Variants in CENPP observed in about 807,000 individuals in gnomAD.
The protein encoded by CENPP is centromere protein P.
In CENPP, 24 loss-of-function variants were observed where a neutral mutation model predicts 35.6. That is an observed-to-expected ratio of 0.67 (90% confidence interval 0.49 to 0.95). The LOEUF (loss-of-function observed/expected upper bound fraction) is 0.95. CENPP is among the 40% of genes least tolerant of loss of function. The pLI, the probability that CENPP is intolerant of heterozygous loss-of-function variation, is 0.00. For missense variants in CENPP, 332 were observed against 345.3 expected (o/e 0.96, Z 0.31); for synonymous variants, 120 against 125.5 (o/e 0.96, Z 0.29).
At chr9:92,536,870 T>A (rs1029452673) in intron 5 of CENPP, among the ~76,000 whole-genome samples, 24 of 70,936 alleles carry the variant, frequency 3.4e-4, no homozygotes, top group South Asian at 2.0e-3. Flanking sequence ...ATTTTTTAAA[T>A]TTTTTTTTTT....
At chr9:92,546,312 G>C (rs1220392139) in intron 5 of CENPP, among the ~76,000 whole-genome samples, 1 of 152,204 alleles carries the variant, frequency 6.6e-6, no homozygotes, top group Admixed American at 6.5e-5. Context: ...GCCCAAGCTA[G>C]CCCTGACAAC....
chr9:92,497,321 T>C (rs181503087), intron 5 of CENPP, among the ~76,000 whole-genome samples: 253 of 150,892 alleles, frequency 1.7e-3, no homozygotes, highest in African/African-American at 5.9e-3. Flanking sequence ...GATATACTGA[T>C]ACTTTTAAAA....
At chr9:92,375,180 T>C (rs1015436179) in intron 4 of CENPP, among the ~76,000 whole-genome samples, 1 of 152,212 alleles carries the variant, frequency 6.6e-6, no homozygotes, top group South Asian at 2.1e-4. Context: ...ATGTATATGT[T>C]AGTACTTTTT....
chr9:92,441,376 G>C (rs1844382714), intron 5 of CENPP, among the ~76,000 whole-genome samples: 1 of 152,192 alleles, frequency 6.6e-6, no homozygotes, highest in Non-Finnish European at 1.5e-5. Flanking sequence ...GGAAATGCCT[G>C]TGAGACAAAC....
At position 92,517,595 on chromosome 9, in the gene CENPP, T is replaced by A; in HGVS notation, c.565-93719T>A. The A allele has an allele frequency of 3.2e-6, 5 of 1,539,630 alleles. No individual in the cohort carries two copies. The Admixed American group carries it at 5.1e-5, about 16-fold the overall frequency. ...TTTAAGTACTCAGATCTGACTAATGTATCATAATTTTAATCTAAAATTAGT... is the reference window on the plus strand; with the variant it reads ...TTTAAGTACTCAGATCTGACTAATGAATCATAATTTTAATCTAAAATTAGT... On this transcript the variant is annotated intron_variant, in intron 5 of 7. Transcript: ENST00000375587.
chr9:92,618,844 G>C lies in CENPP; in HGVS notation c.*5695G>C. 1 of 351,440 alleles carries C rather than the reference G, an allele frequency of 2.8e-6. No homozygotes were observed. The highest frequency in any genetic ancestry group is 5.6e-6 in the Non-Finnish European group (1 of 178,970). The allele number at this position is 351,440 out of a possible 1,614,324, so 21.8% of individuals were successfully genotyped here. A position where few individuals can be genotyped will look rare whatever the true frequency, so the allele number is the denominator to read the frequency against. ...AGGTCATCTTGACCCAGGAACACAT[G>C]TTAGAAGAATGTGGAACATTCCGCA... On this transcript the variant is annotated 3_prime_UTR_variant, in exon 8 of 8. Coordinates refer to ENST00000375587, the MANE Select transcript of CENPP (RefSeq NM_001012267.3).
In CENPP at chr9:92,419,405, A is replaced by G. The variant is rs1037843529; in HGVS notation, c.564+39546A>G. 4.0e-5 allele frequency among the ~76,000 whole-genome samples: 6 copies of G among 150,788 alleles called. No individual in the cohort carries two copies. In the South Asian group the frequency reaches 6.3e-4, roughly 16 times the overall value. On this transcript the variant is annotated intron_variant, in intron 5 of 7. Coordinates refer to ENST00000375587, the MANE Select transcript of CENPP (RefSeq NM_001012267.3). ...AGCCACCACCTCCTGGGTTTAAGCA[A>G]TTCTCCTGCCTCAGCCTCCCCAGTA...
intron 5 of CENPP, among the ~76,000 whole-genome samples, chr9:92,557,238 T>C (rs1849745890): frequency 1.3e-5 from 2 of 152,228 alleles, no homozygotes; most frequent in Admixed American, 1.3e-4. Context: ...TGCTTCTGTC[T>C]CACAGCTCTT....
intron 5 of CENPP, among the ~76,000 whole-genome samples, chr9:92,565,293 T>TAAA (rs3078380): frequency 0.048 from 1,582 of 33,108 alleles, 281 homozygotes; most frequent in East Asian, 0.14. Flanking sequence ...GCTGATGAGC[T>TAAA]AAAAAAAAAA....
chr9:92,504,340 A>C (rs369088706), intron 5 of CENPP, among the ~76,000 whole-genome samples: 1 of 152,196 alleles, frequency 6.6e-6, no homozygotes, highest in East Asian at 1.9e-4. Context: ...TAGCCATGAC[A>C]GCCACATAAG....
chr9:92,423,964 A>C (rs951758922), intron 5 of CENPP, among the ~76,000 whole-genome samples: 2 of 152,306 alleles, frequency 1.3e-5, no homozygotes, highest in Admixed American at 6.5e-5. Flanking sequence ...AAAAAATCTA[A>C]ACAAAGATTT....
intron 5 of CENPP, among the ~76,000 whole-genome samples, chr9:92,528,541 G>A (rs1848551842): frequency 5.4e-5 from 7 of 128,944 alleles, no homozygotes; most frequent in Admixed American, 5.0e-4. Flanking sequence ...AAGGACAAAG[G>A]GGAAAACAAA....
chr9:92,568,094 A>G (rs538373866), intron 5 of CENPP, among the ~76,000 whole-genome samples: 95 of 87,372 alleles, frequency 1.1e-3, no homozygotes, highest in Non-Finnish European at 1.9e-3. Flanking sequence ...TTATACTTTA[A>G]GTTCTAGGAT....
intron 4 of CENPP, 100 bp downstream of exon 4, chr9:92,345,887 C>T (rs1841280709): frequency 1.5e-6 from 1 of 671,472 alleles, no homozygotes. Context: ...GTAAATAGGT[C>T]TTCTCTGAAA....
At chr9:92,361,332 G>A (rs1030671606) in intron 4 of CENPP, among the ~76,000 whole-genome samples, 1 of 151,544 alleles carries the variant, frequency 6.6e-6, no homozygotes, top group African/African-American at 2.4e-5. Context: ...GCAGAGACGG[G>A]GTTTCGCCGT....
At chr9:92,472,909 C>A (rs1045874804) in intron 5 of CENPP, among the ~76,000 whole-genome samples, 1 of 152,110 alleles carries the variant, frequency 6.6e-6, no homozygotes, top group Admixed American at 6.5e-5. Context: ...TTTGACAAAC[C>A]TACTCCTGCC....
intron 5 of CENPP, among the ~76,000 whole-genome samples, chr9:92,536,328 T>G (rs944769187): frequency 3.9e-5 from 6 of 152,106 alleles, no homozygotes; most frequent in Non-Finnish European, 7.4e-5. Context: ...AATGTTAAAG[T>G]TTATACTAGC....
At chr9:92,545,227 G>T (rs1211719907) in intron 5 of CENPP, among the ~76,000 whole-genome samples, 1 of 152,134 alleles carries the variant, frequency 6.6e-6, no homozygotes, top group East Asian at 1.9e-4. Flanking sequence ...CTCGGACCTG[G>T]GATGGCCGAG....
At position 92,409,444 on chromosome 9, in the gene CENPP, CTGAT is replaced by C. The variant is rs1002114705; in HGVS notation, c.564+29587_564+29590del. Among the ~76,000 whole-genome samples, 91 of 152,120 alleles carry C rather than the reference CTGAT, an allele frequency of 6.0e-4. 1 individual carries two copies. Among genetic ancestry groups the C allele is most frequent in the Admixed American group, 9.2e-4 (14 of 15,252 alleles). Reference sequence around the variant, plus strand: ...CTATTTTCTTTTTTACATCATGGAGCTGATTAAGTGTGTTATATAATATGCATAC... The same window carrying C: ...CTATTTTCTTTTTTACATCATGGAGCTAAGTGTGTTATATAATATGCATAC... On this transcript the variant is annotated intron_variant, in intron 5 of 7. Transcript: ENST00000375587.
Sources: gnomAD v4.1 joint callset for allele counts (sites outside exome capture counted in the v4.1 genomes callset) on GRCh38, gnomAD v4.1.1 for gene constraint, MANE v1.5 for transcripts, NCBI Gene and HGNC (gene_info 2026-07-23, HGNC 2026-07-21) for gene names.